Variants in FHDC1 observed in about 807,000 individuals in gnomAD.
The protein encoded by FHDC1 is FH2 domain containing 1.
Under a neutral mutation model 52.6 loss-of-function variants are expected in FHDC1, and 25 were observed. The ratio of observed to expected loss-of-function variants is 0.48; its 90% confidence interval spans 0.35 to 0.66. The LOEUF is 0.66. Ranked by LOEUF, FHDC1 falls within the 30% of genes least tolerant of loss-of-function variation. The pLI is 0.01. For missense variants in FHDC1, 1,459 were observed against 1,452.8 expected (o/e 1.00, Z -0.07); for synonymous variants, 616 against 581.5 (o/e 1.06, Z -0.85).
chr4:152,959,921 G>C (rs1450460459), intron 4 of FHDC1, among the ~76,000 whole-genome samples: 2 of 137,608 alleles, frequency 1.5e-5, no homozygotes, highest in African/African-American at 5.6e-5. Context: ...CTTCTGCCAG[G>C]GTCCCTGGGG....
upstream of FHDC1, among the ~76,000 whole-genome samples, chr4:152,934,381 G>A (rs900834902): frequency 6.6e-6 from 1 of 152,080 alleles, no homozygotes; most frequent in Non-Finnish European, 1.5e-5. Context: ...ATTTTTATTT[G>A]GACTTGAAAT....
At chr4:152,914,196 A>C in the FHDC1 span, among the ~76,000 whole-genome samples, 2 of 152,308 alleles carry the variant, frequency 1.3e-5, no homozygotes, top group East Asian at 3.9e-4. Context: ...AAAATAGGAC[A>C]ATGCAAACAA....
intron 2 of FHDC1, among the ~76,000 whole-genome samples, chr4:152,948,033 G>A (rs751924035): frequency 2.0e-5 from 3 of 152,176 alleles, no homozygotes; most frequent in Non-Finnish European, 4.4e-5. Flanking sequence ...GGGAAAAAAT[G>A]TGCTTCAACT....
At chr4:152,926,182 G>GA in the FHDC1 span, among the ~76,000 whole-genome samples, 24 of 129,430 alleles carry the variant, frequency 1.9e-4, no homozygotes, top group African/African-American at 2.6e-4. Flanking sequence ...CCACTGAGAA[G>GA]AAAAAAAAAA....
chr4:152,966,243 CTTGT>C (rs1740452268), intron 9 of FHDC1, among the ~76,000 whole-genome samples: 1 of 152,136 alleles, frequency 6.6e-6, no homozygotes, highest in African/African-American at 2.4e-5. Context: ...ATTCAGCAAG[CTTGT>C]TTATTTGAAA....
intron 8 of FHDC1, 31 bp downstream of exon 8, chr4:152,963,161 G>A (rs765062035): frequency 1.3e-5 from 21 of 1,576,616 alleles, no homozygotes; most frequent in African/African-American, 9.4e-5. Flanking sequence ...CTTAGAGAAC[G>A]CATATGAATA....
At chr4:152,937,543 C>G (rs1230458126) in intron 1 of FHDC1, among the ~76,000 whole-genome samples, 1 of 151,866 alleles carries the variant, frequency 6.6e-6, no homozygotes, top group African/African-American at 2.4e-5. Context: ...GGTGCGGCGG[C>G]CGACCCAGCA....
rs1396321533 is a variant in FHDC1 at position 152,950,283 on chromosome 4, A to C, written c.499-3216A>C. 2.0e-5 allele frequency among the ~76,000 whole-genome samples: 3 copies of C among 152,328 alleles called. No individual in the cohort carries two copies. The East Asian group carries it at 5.8e-4, about 29-fold the overall frequency. On this transcript the variant is annotated intron_variant, in intron 2 of 11. Transcript: ENST00000511601. ...TACATGTGCAGTGATAACCCTCTTT[A>C]AAGGACTTCAACAGTCACCCTTATA...
intron 10 of FHDC1, among the ~76,000 whole-genome samples, chr4:152,970,582 G>T (rs1740610742): frequency 6.6e-6 from 1 of 152,234 alleles, no homozygotes; most frequent in East Asian, 1.9e-4. Flanking sequence ...TTTTTCTGCA[G>T]TTGAGCTGTT....
rs143636540 is a variant in FHDC1, at chr4:152,976,450, C to G, written c.3159C>G (p.Pro1053=). The G allele has an allele frequency of 6.2e-7, 1 of 1,613,698 alleles. No individual in the cohort carries two copies. Among genetic ancestry groups the G allele is most frequent in the African/African-American group, 1.3e-5 (1 of 75,064 alleles). The change falls in exon 12 of 12, where the codon CCC becomes CCG. Residue 1053 remains proline (P), a synonymous_variant. Transcript: ENST00000511601. ...GAAGCATGAGAACAGATCTTCCTCC[C>G]GTGGCCAAAGCCCCCGGCATCACTC... ...SSRSMRTDLP[P]VAKAPGITRT...
upstream of FHDC1, among the ~76,000 whole-genome samples, chr4:152,931,535 C>T (rs866879621): frequency 3.3e-5 from 5 of 149,764 alleles, no homozygotes; most frequent in African/African-American, 7.4e-5. Context: ...ACAATTTGCT[C>T]TAAGGAAATA....
At chr4:152,968,168 C>A in intron 10 of FHDC1, 71 bp downstream of exon 10, 1 of 1,068,280 alleles carries the variant, frequency 9.4e-7, no homozygotes, top group Non-Finnish European at 1.4e-6. Flanking sequence ...GTTAAATTTG[C>A]ATGGGTGTAT....
upstream of FHDC1, among the ~76,000 whole-genome samples, chr4:152,931,455 A>AAC (rs56142204): frequency 0.011 from 1,395 of 127,228 alleles, 6 homozygotes; most frequent in East Asian, 0.026. Context: ...CAGCCTCTAA[A>AAC]ACACACACAC....
At position 152,954,263 on chromosome 4, in the gene FHDC1, C is replaced by T. The variant is rs1740012942; in HGVS notation, c.607C>T (p.His203Tyr). ...AGATATTCATCAAGGAAAAAGTGAG[C>T]ATTATGGATCAGAGACCTTGCGAGA... is the stretch of plus-strand genomic sequence containing the variant. Reference protein sequence around the residue: ...VEDIHQGKSEHYGSETLREFL... With the variant: ...VEDIHQGKSEYYGSETLREFL... The change falls in exon 4 of 12, where the codon CAT (histidine) becomes TAT (tyrosine). Residue 203 changes from histidine (H) to tyrosine (Y), a missense_variant. Coordinates refer to ENST00000511601, the MANE Select transcript of FHDC1 (RefSeq NM_001371116.1). The T allele has an allele frequency of 2.5e-6, 4 of 1,614,002 alleles. No homozygotes were observed. The highest frequency in any genetic ancestry group is 1.3e-5 in the African/African-American group (1 of 74,926).
chr4:152,953,433 A>G, intron 2 of FHDC1, 66 bp from the exon 3 acceptor site: 2 of 1,320,540 alleles, frequency 1.5e-6, no homozygotes, highest in Non-Finnish European at 2.1e-6. Context: ...GGTTTTAATT[A>G]TCTTCTTTCT....
upstream of FHDC1, among the ~76,000 whole-genome samples, chr4:152,933,729 C>CAA (rs70949623): frequency 0.04 from 2,416 of 59,984 alleles, 151 homozygotes; most frequent in African/African-American, 0.13. Context: ...GACCCCGTCT[C>CAA]AAAAAAAAAA....
intron 4 of FHDC1, 36 bp downstream of exon 4, chr4:152,954,355 A>G: frequency 6.5e-7 from 1 of 1,544,100 alleles, no homozygotes; most frequent in Non-Finnish European, 9.0e-7. Flanking sequence ...AGATGTTAGG[A>G]GTGATCATAA....
chr4:152,927,359 G>T, the FHDC1 span: 1 of 721,552 alleles, frequency 1.4e-6, no homozygotes. Context: ...GTTGCCAATT[G>T]TGAACCCAAA....
intron 10 of FHDC1, among the ~76,000 whole-genome samples, chr4:152,968,894 A>G (rs535662578): frequency 4.5e-4 from 69 of 152,166 alleles, no homozygotes; most frequent in Non-Finnish European, 7.8e-4. Context: ...GCGTTTTGGC[A>G]TGTTTTATAA....
Sources: gnomAD v4.1 joint callset for allele counts (sites outside exome capture counted in the v4.1 genomes callset) on GRCh38, gnomAD v4.1.1 for gene constraint, MANE v1.5 for transcripts, NCBI Gene and HGNC (gene_info 2026-07-23, HGNC 2026-07-21) for gene names.